Variants in GRK3 observed in about 807,000 individuals in gnomAD.
The protein encoded by GRK3 is adrenergic, beta, receptor kinase 2.
A neutral mutation model predicts 95.7 loss-of-function variants in GRK3; 54 were observed. The observed-to-expected ratio is 0.56, with a 90% confidence interval of 0.45 to 0.71. The LOEUF (loss-of-function observed/expected upper bound fraction) is 0.71, where lower values mean the gene tolerates loss of function less well. GRK3 is among the 30% of genes least tolerant of loss of function. The pLI, the probability that GRK3 is intolerant of heterozygous loss-of-function variation, is 0.00. For missense variants in GRK3, 649 were observed against 851.2 expected (o/e 0.76, Z 2.96); for synonymous variants, 281 against 290.8 (o/e 0.97, Z 0.34).
rs1932386427 is a variant in GRK3, at chr22:25,588,341, G to A, written c.114-16036G>A. Among the ~76,000 whole-genome samples the A allele has an allele frequency of 2.0e-5, 3 of 152,174 alleles. No individual in the cohort carries two copies. In the South Asian group the frequency reaches 6.2e-4, roughly 31 times the overall value. On this transcript the variant is annotated intron_variant, in intron 1 of 20. Transcript: ENST00000324198. ...GGATTATCAAAATATTATAGGAAAA[G>A]CACAAAATAAATTTGTAGTTAGCCT...
chr22:25,690,352 C>T lies in GRK3; in HGVS notation c.1052+69C>T, dbSNP rs1601529598. 3 of 1,114,728 alleles carry T rather than the reference C, an allele frequency of 2.7e-6. No individual in the cohort carries two copies. In the East Asian group the frequency reaches 7.2e-5, roughly 27 times the overall value. The allele number at this position is 1,114,728 out of a possible 1,614,324, so 69.1% of individuals were successfully genotyped here. ...CCCTTTCAAAGGCGTGGCCATTTGT[C>T]ACCCCATTTCTCTTACCAGTGGTGA... On this transcript the variant is annotated intron_variant, in intron 12 of 20. Coordinates refer to ENST00000324198, the MANE Select transcript of GRK3 (RefSeq NM_005160.4).
chr22:25,568,250 C>G (rs1212751601), intron 1 of GRK3, among the ~76,000 whole-genome samples: 1 of 152,038 alleles, frequency 6.6e-6, no homozygotes, highest in African/African-American at 2.4e-5. Flanking sequence ...AAAGGGTCAT[C>G]ATCTTAAGCC....
chr22:25,621,782 T>C (rs28386996), intron 2 of GRK3, among the ~76,000 whole-genome samples: 5,112 of 152,222 alleles, frequency 0.034, 109 homozygotes, highest in African/African-American at 0.061. Flanking sequence ...GTGAGTTGGG[T>C]GATCCTCTCC....
chr22:25,648,641 T>C, intron 3 of GRK3: 3 of 1,017,476 alleles, frequency 2.9e-6, no homozygotes, highest in South Asian at 2.6e-5. Context: ...CAATTTACAT[T>C]GTCACTGAAT....
intron 11 of GRK3, 103 bp downstream of exon 11, chr22:25,687,770 C>A: frequency 7.5e-7 from 1 of 1,326,274 alleles, no homozygotes. Flanking sequence ...TCCTCATAGC[C>A]CTCATCTCAG....
chr22:25,620,652 C>T (rs1569167107), intron 2 of GRK3, among the ~76,000 whole-genome samples: 1 of 152,148 alleles, frequency 6.6e-6, no homozygotes, highest in African/African-American at 2.4e-5. Context: ...AGGTTTTGGG[C>T]GACAACTCTT....
rs112402354 is a variant in GRK3 at position 25,648,213 on chromosome 22, G to A, written c.264+3548G>A. The A allele has an allele frequency of 5.7e-4, 434 of 760,260 alleles. 1 individual carries two copies. The African/African-American group carries it at 6.4e-3, about 11-fold the overall frequency. 47.1% of individuals were successfully genotyped at this position (760,260 alleles called of 1,614,324 possible). A position where few individuals can be genotyped will look rare whatever the true frequency, so the allele number is the denominator to read the frequency against. On this transcript the variant is annotated intron_variant, in intron 3 of 20. Transcript: ENST00000324198. Reference sequence around the variant, plus strand: ...CCTCTCTATTCGTGATTGGGATGAGGTAAGGGGTGACAATGTGAAACACCA... The same window carrying A: ...CCTCTCTATTCGTGATTGGGATGAGATAAGGGGTGACAATGTGAAACACCA...
intron 9 of GRK3, among the ~76,000 whole-genome samples, chr22:25,681,571 G>A (rs957997893): frequency 2.0e-5 from 3 of 147,372 alleles, no homozygotes; most frequent in African/African-American, 7.5e-5. Context: ...GGGCATCGCC[G>A]GCCGATCTTG....
intron 3 of GRK3, among the ~76,000 whole-genome samples, chr22:25,652,810 A>T (rs533752049): frequency 6.6e-6 from 1 of 152,234 alleles, no homozygotes; most frequent in African/African-American, 2.4e-5. Context: ...CGTATATTCA[A>T]AAGGTAAGTA....
chr22:25,597,428 G>A (rs2084379689), intron 1 of GRK3, among the ~76,000 whole-genome samples: 1 of 152,118 alleles, frequency 6.6e-6, no homozygotes, highest in Admixed American at 6.5e-5. Flanking sequence ...ATTTCAAATA[G>A]CTGGAAGGAG....
At chr22:25,588,769 C>A (rs1018551210) in intron 1 of GRK3, among the ~76,000 whole-genome samples, 3 of 149,122 alleles carry the variant, frequency 2.0e-5, no homozygotes, top group African/African-American at 7.5e-5. Context: ...GCTTATAGTT[C>A]ATTAATTTTT....
At chr22:25,567,591 T>C (rs1032480389) in intron 1 of GRK3, among the ~76,000 whole-genome samples, 2 of 152,260 alleles carry the variant, frequency 1.3e-5, no homozygotes, top group Non-Finnish European at 2.9e-5. Flanking sequence ...GATAAGTTTC[T>C]ATTTCAGCTT....
At chr22:25,579,827 A>G (rs753588301) in intron 1 of GRK3, among the ~76,000 whole-genome samples, 7 of 151,566 alleles carry the variant, frequency 4.6e-5, no homozygotes, top group Non-Finnish European at 7.4e-5. Flanking sequence ...GAATGGCGAA[A>G]TTTTAAAAAA....
intron 2 of GRK3, among the ~76,000 whole-genome samples, chr22:25,620,001 C>CTTT (rs34132299): frequency 3.8e-5 from 4 of 105,938 alleles, no homozygotes; most frequent in African/African-American, 1.4e-4. Flanking sequence ...TTTCCTTTGT[C>CTTT]TTTTTTGTGT....
chr22:25,625,547 G>A (rs1018062995), intron 2 of GRK3, among the ~76,000 whole-genome samples: 9 of 152,292 alleles, frequency 5.9e-5, no homozygotes, highest in East Asian at 3.9e-4. Flanking sequence ...TTAGCAGACC[G>A]GGAAAGGGAG....
At chr22:25,615,960 A>G (rs2103591) in intron 2 of GRK3, among the ~76,000 whole-genome samples, 1 of 146,440 alleles carries the variant, frequency 6.8e-6, no homozygotes, top group Non-Finnish European at 1.5e-5. Context: ...TAAGGCTGGA[A>G]CCTCAGGGTT....
intron 1 of GRK3, among the ~76,000 whole-genome samples, chr22:25,582,890 A>G (rs2146320276): frequency 6.6e-6 from 1 of 152,380 alleles, no homozygotes; most frequent in Middle Eastern, 3.4e-3. Flanking sequence ...TTTCCTAAGC[A>G]AACCCCAAAC....
At chr22:25,623,103 G>A (rs180671705) in intron 2 of GRK3, among the ~76,000 whole-genome samples, 20 of 152,120 alleles carry the variant, frequency 1.3e-4, no homozygotes, top group African/African-American at 4.3e-4. Context: ...CACCACATGT[G>A]GCTAATTTTT....
At chr22:25,719,397 A>C (rs2085413246) in intron 19 of GRK3, among the ~76,000 whole-genome samples, 1 of 152,108 alleles carries the variant, frequency 6.6e-6, no homozygotes, top group African/African-American at 2.4e-5. Flanking sequence ...TGGGTCAAAT[A>C]AAATGTCCCA....
Sources: gnomAD v4.1 joint callset for allele counts (sites outside exome capture counted in the v4.1 genomes callset) on GRCh38, gnomAD v4.1.1 for gene constraint, MANE v1.5 for transcripts, NCBI Gene and HGNC (gene_info 2026-07-23, HGNC 2026-07-21) for gene names.